Variants in GFI1 observed in about 807,000 individuals in gnomAD.
The protein encoded by GFI1 is zinc finger protein Gfi-1.
Under a neutral mutation model 39.2 loss-of-function variants are expected in GFI1, and 15 were observed. The ratio of observed to expected loss-of-function variants is 0.38; its 90% CI spans 0.26 to 0.59. The LOEUF (loss-of-function observed/expected upper bound fraction) is 0.59. GFI1 is among the 20% of genes least tolerant of loss of function. The pLI is 0.62. For synonymous variants in GFI1, 239 were observed against 254.3 expected (o/e 0.94, Z 0.57); for missense variants, 475 against 574.0 (o/e 0.83, Z 1.76).
Position 92,474,510 on chromosome 1 carries a change from A to T in GFI1, c.*1519T>A, listed in dbSNP as rs1011853298. Among the ~76,000 whole-genome samples, 1 of 152,228 alleles carries T rather than the reference A, an allele frequency of 6.6e-6. No homozygotes were observed. The highest frequency in any genetic ancestry group is 1.5e-5 in the Non-Finnish European group (1 of 68,042). On this transcript the variant is annotated 3_prime_UTR_variant, in exon 7 of 7. Transcript: ENST00000294702. ...CCTGTGGAACCATCAGGGGCTCTAC[A>T]AGGTAGTAGCTTAGTTTTGTACACC... is the stretch of plus-strand genomic sequence containing the variant.
chr1:92,473,252 A>G lies in GFI1; in HGVS notation c.*2777T>C, dbSNP rs1337710250. Among the ~76,000 whole-genome samples the G allele has an allele frequency of 6.6e-6, 1 of 152,170 alleles. No homozygotes were observed. Among genetic ancestry groups the G allele is most frequent in the African/African-American group, 2.4e-5 (1 of 41,438 alleles). ...ACTTAGAGCATAAACAGGGATAACA[A>G]AAATGGACCAAATGTTCTAAACGTC... On this transcript the variant is annotated 3_prime_UTR_variant, in exon 7 of 7. Coordinates refer to ENST00000294702, the MANE Select transcript of GFI1 (RefSeq NM_005263.5).
chr1:92,480,956 G>A lies in GFI1; in HGVS notation c.431C>T (p.Ala144Val). 1 of 1,591,350 alleles carries A rather than the reference G, an allele frequency of 6.3e-7. No individual in the cohort carries two copies. ...GCCCAGGCCAGCGCCACGCTCCAGG[G>A]CCCCACACGGTCGGTAGCTCTGCAC... ...HLVQSYRPCG[A>V]LERGAGLGLF... Residue 144 changes from alanine (A) to valine (V), a missense_variant, in exon 4 of 7, where the codon GCC becomes GTC. Physicochemically the swap from Ala to Val is moderately conservative, Grantham distance 64. This residue lies in a region of GFI1 where 275 missense variants were observed against 275.8 expected (regional missense o/e 1.00). Coordinates refer to ENST00000294702, the MANE Select transcript of GFI1 (RefSeq NM_005263.5). The surrounding 1 kb of genome is among the most constrained non-coding windows in gnomAD (Gnocchi z 5.6).
intron 5 of GFI1, among the ~76,000 whole-genome samples, chr1:92,479,278 C>G (rs1007100833): frequency 6.6e-6 from 1 of 152,194 alleles, no homozygotes; most frequent in Non-Finnish European, 1.5e-5. Flanking sequence ...ACTTCTCCAC[C>G]CTCCTCAACA....
intron 5 of GFI1, among the ~76,000 whole-genome samples, chr1:92,479,423 C>T (rs548443630): frequency 6.6e-6 from 1 of 152,316 alleles, no homozygotes; most frequent in South Asian, 2.1e-4. Context: ...TATTTACTTG[C>T]TCATCTACTC....
rs115962943 is a variant in GFI1 at position 92,481,240 on chromosome 1, G to A, written c.299-152C>T. On this transcript the variant is annotated intron_variant, in intron 3 of 6. Transcript: ENST00000294702. The surrounding 1 kb of genome is among the most constrained non-coding windows in gnomAD (Gnocchi z 4.3). ...CGCCAGGTGCCAGGCTCGCCCCAGG[G>A]TAAAACGTGGCCCGGGCCCTGGGGC... 2,531 of 738,644 alleles carry A rather than the reference G, an allele frequency of 3.4e-3. 51 individuals are homozygous for A. In the African/African-American group the frequency reaches 0.038, roughly 11 times the overall value. 45.8% of individuals were successfully genotyped at this position (738,644 alleles called of 1,614,324 possible).
rs1183246538 is a variant in GFI1, at chr1:92,481,053, C to T, written c.334G>A (p.Ala112Thr). Reference sequence around the variant, plus strand: ...TTGAAAGGCAGGGGGAAGGGCTGGGCTTCGTCCAGCGATGGGCACATTGAC... The same window carrying T: ...TTGAAAGGCAGGGGGAAGGGCTGGGTTTCGTCCAGCGATGGGCACATTGAC... ...EKSMCPSLDE[A>T]QPFPLPFKPY... is the part of the protein sequence containing the mutation. Residue 112 changes from alanine (A) to threonine (T), a missense_variant, in exon 4 of 7, where the codon GCC becomes ACC. Around this residue, in one of 4 missense-constraint regions of GFI1, gnomAD observed 275 missense variants for 275.8 expected, o/e 1.00. Transcript: ENST00000294702. The surrounding 1 kb of genome is among the most constrained non-coding windows in gnomAD (Gnocchi z 4.3). 1.9e-6 allele frequency: 3 copies of T among 1,611,854 alleles called. No homozygotes were observed. Among genetic ancestry groups the T allele is most frequent in the Non-Finnish European group, 2.5e-6 (3 of 1,179,034 alleles).
rs1223885853 is a variant in GFI1, at chr1:92,475,388, G to T, written c.*641C>A. ...AACTTCTCTTCTGCTTCTTCTTGGG[G>T]GTAGCCTCGATGGTGCATCTCATGA... On this transcript the variant is annotated 3_prime_UTR_variant, in exon 7 of 7. Transcript: ENST00000294702. 6.5e-6 allele frequency: 1 copy of T among 154,522 alleles called. No individual in the cohort carries two copies. The highest frequency in any genetic ancestry group is 2.0e-4 in the South Asian group (1 of 4,970). The allele number at this position is 154,522 out of a possible 1,614,324, so 9.6% of individuals were successfully genotyped here.
rs1313897540 is a variant in GFI1 at position 92,482,966 on chromosome 1, C to A, written c.196G>T (p.Asp66Tyr). 2 of 1,613,360 alleles carry A rather than the reference C, an allele frequency of 1.2e-6. No homozygotes were observed. Among genetic ancestry groups the A allele is most frequent in the East Asian group, 2.2e-5 (1 of 44,852 alleles). Residue 66 changes from aspartate to tyrosine, a missense_variant, in exon 3 of 7, where the codon GAC (aspartate) becomes TAC (tyrosine). Coordinates refer to ENST00000294702, the MANE Select transcript of GFI1 (RefSeq NM_005263.5). This position sits in a 1 kb window ranked among gnomAD's most constrained non-coding sequence, Gnocchi z 4.4. ...SPESQLTEAP[D>Y]RASASPDSCE... ...CTGTCTGGGGATGCGGAGGCTCTGT[C>A]TGGGGCTTCGGTCAGCTGCGATTCG...
intron 6 of GFI1, among the ~76,000 whole-genome samples, chr1:92,476,642 G>A (rs193064619): frequency 1.3e-5 from 2 of 152,338 alleles, no homozygotes; most frequent in African/African-American, 4.8e-5. Context: ...TTTCAAATCT[G>A]AATTTCCAAG....
chr1:92,485,428 G>A (rs1480089982), intron 1 of GFI1, among the ~76,000 whole-genome samples: 2 of 152,242 alleles, frequency 1.3e-5, no homozygotes, highest in African/African-American at 4.8e-5. Flanking sequence ...TGTCAGCGCC[G>A]GAGCTGGGTC....
rs1014266969 is a variant in GFI1 at position 92,478,464 on chromosome 1, A to G, written c.1090+124T>C. The G allele has an allele frequency of 1.3e-5, 11 of 843,468 alleles. No individual in the cohort carries two copies. The African/African-American group carries it at 1.8e-4, about 14-fold the overall frequency. The allele number at this position is 843,468 out of a possible 1,614,324, so 52.2% of individuals were successfully genotyped here. ...AACCCACCCCTTTGTTTTCTTTAAC[A>G]CAGAGCAGAGAATAACTCCATCAGA... On this transcript the variant is annotated intron_variant, in intron 6 of 6. Transcript: ENST00000294702.
intron 2 of GFI1, 118 bp from the exon 3 acceptor site, chr1:92,483,164 C>A: frequency 1.0e-6 from 1 of 1,004,372 alleles, no homozygotes; most frequent in East Asian, 2.6e-5. Flanking sequence ...CCACCCAGAC[C>A]CCGGCCGGGA....
intron 5 of GFI1, 136 bp from the exon 6 acceptor site, chr1:92,478,889 G>T: frequency 8.5e-7 from 1 of 1,176,618 alleles, no homozygotes; most frequent in Non-Finnish European, 1.2e-6. Flanking sequence ...CTTTTTTTGA[G>T]ACAGTCTCCT....
At chr1:92,483,177 C>A in intron 2 of GFI1, 131 bp from the exon 3 acceptor site, 2 of 890,980 alleles carry the variant, frequency 2.2e-6, no homozygotes, top group Non-Finnish European at 3.4e-6. Flanking sequence ...GGCCGGGAAC[C>A]CTCTCGGATC....
In GFI1 at chr1:92,474,159, C is replaced by T. The variant is rs1353076264; in HGVS notation, c.*1870G>A. Among the ~76,000 whole-genome samples the T allele has an allele frequency of 1.3e-5, 2 of 152,194 alleles. No individual in the cohort carries two copies. On this transcript the variant is annotated 3_prime_UTR_variant, in exon 7 of 7. Transcript: ENST00000294702. ...AGGTGGGACAGAACCAGAAATAACC[C>T]AGATCCTCATGGGCCTTTAGATTTG...
chr1:92,476,261 G>A (rs1657972595), intron 6 of GFI1, 54 bp from the exon 7 acceptor site: 2 of 1,522,780 alleles, frequency 1.3e-6, no homozygotes, highest in East Asian at 2.3e-5. Context: ...TAAAGCTAGA[G>A]GGGACCCACT....
rs1194754791 is a variant in GFI1, at chr1:92,474,374, A to G, written c.*1655T>C. On this transcript the variant is annotated 3_prime_UTR_variant, in exon 7 of 7. Transcript: ENST00000294702. The stretch of plus-strand genomic sequence containing the variant: ...ATGATGTGTTGGTGACAGAGCTGTG[A>G]CTAAAACTAAAACCTAGACCTAAGA... Among the ~76,000 whole-genome samples, 1 of 152,254 alleles carries G rather than the reference A, an allele frequency of 6.6e-6. No individual in the cohort carries two copies. The highest frequency in any genetic ancestry group is 1.5e-5 in the Non-Finnish European group (1 of 68,052).
chr1:92,481,535 C>T lies in GFI1; in HGVS notation c.299-447G>A, dbSNP rs1658254791. 1.3e-5 allele frequency among the ~76,000 whole-genome samples: 2 copies of T among 152,244 alleles called. No homozygotes were observed. The highest frequency in any genetic ancestry group is 1.3e-4 in the Admixed American group (2 of 15,288). Reference sequence around the variant, plus strand: ...CCAGCCACCAGCGCAGGCACTCTCCCAGCCCCTACATGTTCCCATTCAATT... The same window carrying T: ...CCAGCCACCAGCGCAGGCACTCTCCTAGCCCCTACATGTTCCCATTCAATT... On this transcript the variant is annotated intron_variant, in intron 3 of 6. Coordinates refer to ENST00000294702, the MANE Select transcript of GFI1 (RefSeq NM_005263.5). The surrounding 1 kb of genome is among the most constrained non-coding windows in gnomAD (Gnocchi z 4.3).
rs143913803 is a variant in GFI1 at position 92,482,994 on chromosome 1, G to A, written c.168C>T (p.Ser56=). The change falls in exon 3 of 7, where the codon TCC becomes TCT. Residue 56 remains serine (S), a synonymous_variant. Transcript: ENST00000294702. This position sits in a 1 kb window ranked among gnomAD's most constrained non-coding sequence, Gnocchi z 4.4. ...GGGCTTCGGTCAGCTGCGATTCGGG[G>A]GACAAACGGTCCCGGGGCTCCGCCT... is the stretch of plus-strand genomic sequence containing the variant. ...GAKAEPRDRL[S]PESQLTEAPD... is the part of the protein sequence containing the mutation. The A allele has an allele frequency of 4.8e-3, 7,793 of 1,610,104 alleles. 27 individuals carry two copies. Among genetic ancestry groups the A allele is most frequent in the Non-Finnish European group, 6.0e-3 (7,035 of 1,177,736 alleles).
Sources: gnomAD v4.1 joint callset for allele counts (sites outside exome capture counted in the v4.1 genomes callset) on GRCh38, gnomAD v4.1.1 for gene constraint, gnomAD v4.1.1 regional missense constraint, Gnocchi (gnomAD v3.1) non-coding constraint, MANE v1.5 for transcripts, NCBI Gene and HGNC (gene_info 2026-07-23, HGNC 2026-07-21) for gene names.